KIAA1549L: variants seen among roughly 807,000 people sequenced by gnomAD.
The protein encoded by KIAA1549L is UPF0606 protein KIAA1549L.
A neutral mutation model predicts 160.7 loss-of-function variants in KIAA1549L; 88 were observed. That is an observed-to-expected ratio of 0.55 (90% CI 0.46 to 0.65). The LOEUF is 0.65. Ranked by LOEUF, KIAA1549L falls within the 30% of genes least tolerant of loss-of-function variation. The pLI, the probability that KIAA1549L is intolerant of heterozygous loss-of-function variation, is 0.00. For missense variants in KIAA1549L, 2,258 were observed against 2,437.5 expected (o/e 0.93, Z 1.55); for synonymous variants, 950 against 976.7 (o/e 0.97, Z 0.51).
rs375199385 is a variant in KIAA1549L at position 33,529,789 on chromosome 11, A to G, written c.239-12013A>G. Among the ~76,000 whole-genome samples, 7 of 152,254 alleles carry G rather than the reference A, an allele frequency of 4.6e-5. No individual in the cohort carries two copies. In the East Asian group the frequency reaches 7.7e-4, roughly 17 times the overall value. On this transcript the variant is annotated intron_variant, in intron 1 of 20. Transcript: ENST00000658780. Reference sequence around the variant, plus strand: ...CCAAATGATTGAGCAAATAAGGGAGATAACTGGCTAGCTATCATACTAAGC... The same window carrying G: ...CCAAATGATTGAGCAAATAAGGGAGGTAACTGGCTAGCTATCATACTAAGC...
chr11:33,584,269 A>G (rs2133270562), intron 11 of KIAA1549L, among the ~76,000 whole-genome samples: 1 of 152,334 alleles, frequency 6.6e-6, no homozygotes, highest in East Asian at 1.9e-4. Context: ...ACTGACTTAG[A>G]CAAAGTCTCT....
chr11:33,634,376 AAG>A (rs1851384370), intron 16 of KIAA1549L, among the ~76,000 whole-genome samples: 1 of 152,142 alleles, frequency 6.6e-6, no homozygotes, highest in Non-Finnish European at 1.5e-5. Context: ...TCACACACCA[AAG>A]AGAGGACTGC....
At chr11:33,455,094 A>C (rs59102476) in intron 1 of KIAA1549L, among the ~76,000 whole-genome samples, 24,714 of 152,106 alleles carry the variant, frequency 0.16, 2,537 homozygotes, top group East Asian at 0.32. Flanking sequence ...ATCTCAAAAA[A>C]CAAAACAAAA....
At chr11:33,410,778 C>A (rs911765832) in intron 1 of KIAA1549L, among the ~76,000 whole-genome samples, 6 of 152,100 alleles carry the variant, frequency 3.9e-5, no homozygotes, top group Admixed American at 1.3e-4. Flanking sequence ...GAATGGAATT[C>A]TGGGAAGAGG....
intron 1 of KIAA1549L, among the ~76,000 whole-genome samples, chr11:33,483,127 C>G (rs1291719821): frequency 6.6e-6 from 1 of 152,080 alleles, no homozygotes; most frequent in Admixed American, 6.5e-5. Context: ...TTCCTCTATC[C>G]TTTCCTTCTG....
At chr11:33,407,614 G>T (rs1850693834) in intron 1 of KIAA1549L, among the ~76,000 whole-genome samples, 1 of 152,134 alleles carries the variant, frequency 6.6e-6, no homozygotes, top group Admixed American at 6.5e-5. Context: ...CTCCCAAATT[G>T]CTGGGATTAT....
intron 10 of KIAA1549L, among the ~76,000 whole-genome samples, chr11:33,581,994 C>T (rs1271596485): frequency 2.0e-5 from 3 of 152,114 alleles, no homozygotes; most frequent in Non-Finnish European, 2.9e-5. Context: ...GTACATTTTT[C>T]TCCATCAGGA....
intron 10 of KIAA1549L, among the ~76,000 whole-genome samples, chr11:33,576,159 G>C (rs1490416405): frequency 6.6e-6 from 1 of 152,156 alleles, no homozygotes; most frequent in African/African-American, 2.4e-5. Context: ...AGGCAGGAAA[G>C]GTCATCTCCT....
In KIAA1549L at chr11:33,510,490, A is replaced by T. The variant is rs550975188; in HGVS notation, c.239-31312A>T. Among the ~76,000 whole-genome samples the T allele has an allele frequency of 8.5e-4, 130 of 152,174 alleles. No individual in the cohort carries two copies. In the South Asian group the frequency reaches 0.025, roughly 29 times the overall value. On this transcript the variant is annotated intron_variant, in intron 1 of 20. Transcript: ENST00000658780. The stretch of plus-strand genomic sequence containing the variant: ...ATGTGAGCCACTGTGCATGGCCAGG[A>T]CAAGGTTTGTTTCTAAGACCCCAGG...
intron 20 of KIAA1549L, among the ~76,000 whole-genome samples, chr11:33,662,928 A>G (rs188524068): frequency 6.6e-5 from 10 of 152,336 alleles, no homozygotes; most frequent in East Asian, 3.9e-4. Flanking sequence ...AGGAGAACCA[A>G]TGTCCTATTA....
chr11:33,661,100 G>A, intron 20 of KIAA1549L, 86 bp downstream of exon 20: 2 of 1,342,604 alleles, frequency 1.5e-6, no homozygotes, highest in Non-Finnish European at 1.0e-6. Context: ...GAGACTGAAG[G>A]TTTTGTTATC....
At chr11:33,600,624 C>T (rs1850333248) in intron 13 of KIAA1549L, among the ~76,000 whole-genome samples, 1 of 150,260 alleles carries the variant, frequency 6.7e-6, no homozygotes, top group African/African-American at 2.4e-5. Context: ...AAAGACTACT[C>T]ACTCCTCCAG....
At chr11:33,606,581 C>T (rs1404300705) in intron 13 of KIAA1549L, 60 bp from the exon 14 acceptor site, 1 of 1,529,168 alleles carries the variant, frequency 6.5e-7, no homozygotes, top group African/African-American at 1.4e-5. Flanking sequence ...AACATAAATT[C>T]TCCTGGGATC....
intron 17 of KIAA1549L, among the ~76,000 whole-genome samples, chr11:33,647,524 T>G (rs1851759863): frequency 6.6e-6 from 1 of 152,190 alleles, no homozygotes; most frequent in African/African-American, 2.4e-5. Context: ...AGTTATAAGT[T>G]TTTGTGACTT....
intron 1 of KIAA1549L, among the ~76,000 whole-genome samples, chr11:33,382,303 C>T (rs1015833132): frequency 1.3e-5 from 2 of 152,010 alleles, no homozygotes; most frequent in South Asian, 2.1e-4. Flanking sequence ...AGGAGGAGGG[C>T]GTGATTGGCT....
chr11:33,581,872 A>G (rs917068658), intron 10 of KIAA1549L, among the ~76,000 whole-genome samples: 1 of 152,184 alleles, frequency 6.6e-6, no homozygotes, highest in Non-Finnish European at 1.5e-5. Flanking sequence ...GGGATTTTAC[A>G]TACTGCACCA....
intron 1 of KIAA1549L, among the ~76,000 whole-genome samples, chr11:33,473,297 A>C (rs1852218037): frequency 6.6e-6 from 1 of 152,162 alleles, no homozygotes; most frequent in South Asian, 2.1e-4. Context: ...TGGAAATTTT[A>C]ATGTAGAGTA....
chr11:33,633,576 TG>T, intron 16 of KIAA1549L, among the ~76,000 whole-genome samples: 1 of 152,282 alleles, frequency 6.6e-6, no homozygotes, highest in Non-Finnish European at 1.5e-5. Flanking sequence ...CCTCGCTCCC[TG>T]CAGTGCCAGC....
intron 3 of KIAA1549L, 58 bp from the exon 4 acceptor site, chr11:33,547,706 A>G: frequency 9.2e-7 from 1 of 1,087,248 alleles, no homozygotes; most frequent in Non-Finnish European, 1.4e-6. Flanking sequence ...GCAGAGGGCA[A>G]GTGAATGATG....
Sources: gnomAD v4.1 joint callset for allele counts (sites outside exome capture counted in the v4.1 genomes callset) on GRCh38, gnomAD v4.1.1 for gene constraint, MANE v1.5 for transcripts, NCBI Gene and HGNC (gene_info 2026-07-23, HGNC 2026-07-21) for gene names.